NAALADL2: variants seen among roughly 807,000 people sequenced by gnomAD.
The protein encoded by NAALADL2 is N-acetylated alpha-linked acidic dipeptidase like 2.
NAALADL2 carries 76 observed loss-of-function variants against 87.2 expected under a neutral mutation model. That is an observed-to-expected ratio of 0.87 (90% CI 0.72 to 1.05). The LOEUF (loss-of-function observed/expected upper bound fraction) is 1.05. Among genes scored for constraint, NAALADL2 ranks in the 50% least tolerant of loss-of-function variants. The pLI is 0.00. For synonymous variants in NAALADL2, 354 were observed against 331.0 expected (o/e 1.07, Z -0.75); for missense variants, 1,089 against 945.8 (o/e 1.15, Z -1.99).
chr3:175,205,868 A>G (rs1740755279), intron 2 of NAALADL2, among the ~76,000 whole-genome samples: 1 of 152,098 alleles, frequency 6.6e-6, no homozygotes, highest in Admixed American at 6.6e-5. Flanking sequence ...ACTAATGATC[A>G]GGGAAATGCA....
chr3:175,718,851 AAAAC>A (rs112791160), intron 11 of NAALADL2, among the ~76,000 whole-genome samples: 30 of 152,208 alleles, frequency 2.0e-4, no homozygotes, highest in East Asian at 5.8e-4. Context: ...AAAAAGACAA[AAAAC>A]AAACAAACAA....
At position 174,509,400 on chromosome 3, in the gene NAALADL2, CTTTCT is replaced by C. The variant is rs200055521; in HGVS notation, c.-183-41165_-183-41161del. On this transcript the variant is annotated intron_variant, in intron 1 of 3. Transcript: ENST00000434257. Reference sequence around the variant, plus strand: ...AGCGAGCTCTGGTGTCTCTTCCTTTCTTTCTTTTTTTTTTTTTTTTGAGACGGAGT... The same window carrying C: ...AGCGAGCTCTGGTGTCTCTTCCTTTCTTTTTTTTTTTTTTTGAGACGGAGT... 6.8e-3 allele frequency among the ~76,000 whole-genome samples: 529 copies of C among 77,368 alleles called. 5 individuals carry two copies. The highest frequency in any genetic ancestry group is 0.018 in the African/African-American group (455 of 24,718). The allele number at this position is 77,368 out of a possible 152,430, so 50.8% of individuals were successfully genotyped here.
At chr3:175,663,146 TTTTTATTTTATTTTA>T (rs537931566) in intron 11 of NAALADL2, among the ~76,000 whole-genome samples, 4 of 151,324 alleles carry the variant, frequency 2.6e-5, no homozygotes, top group African/African-American at 9.7e-5. Context: ...TGGGCTTGCT[TTTTTATTTTATTTTA>T]TTTTATTTTA....
chr3:175,668,905 T>C (rs763413250), intron 11 of NAALADL2, among the ~76,000 whole-genome samples: 1 of 152,120 alleles, frequency 6.6e-6, no homozygotes, highest in Non-Finnish European at 1.5e-5. Flanking sequence ...TTAATAGCAG[T>C]TATTATTTAT....
At chr3:174,906,769 A>G (rs1053801299) in intron 1 of NAALADL2, among the ~76,000 whole-genome samples, 1 of 152,158 alleles carries the variant, frequency 6.6e-6, no homozygotes, top group Non-Finnish European at 1.5e-5. Context: ...CCAACAGAAA[A>G]TGTGAAATAA....
chr3:174,850,031 C>G (rs1371210440), intron 3 of NAALADL2, among the ~76,000 whole-genome samples: 2 of 152,130 alleles, frequency 1.3e-5, no homozygotes, highest in Non-Finnish European at 2.9e-5. Context: ...TGCTTGTTAA[C>G]ATACATTTCT....
chr3:175,347,723 C>A (rs1463267712), intron 5 of NAALADL2, among the ~76,000 whole-genome samples: 1 of 152,084 alleles, frequency 6.6e-6, no homozygotes, highest in African/African-American at 2.4e-5. Context: ...ATGACTTAGA[C>A]AATACCGATT....
chr3:175,080,211 C>A lies in NAALADL2; in HGVS notation c.44-16579C>A, dbSNP rs1297846071. Reference sequence around the variant, plus strand: ...CGATCTCCTGACCTCGTGATCCACGCACCTCGGCCTCCCAAATGCTGGGAT... The same window carrying A: ...CGATCTCCTGACCTCGTGATCCACGAACCTCGGCCTCCCAAATGCTGGGAT... On this transcript the variant is annotated intron_variant, in intron 1 of 13. Transcript: ENST00000454872. Among the ~76,000 whole-genome samples the A allele has an allele frequency of 2.6e-5, 4 of 152,282 alleles. No homozygotes were observed. The East Asian group carries it at 7.7e-4, about 29-fold the overall frequency.
chr3:174,918,559 C>T (rs745859368), intron 1 of NAALADL2, among the ~76,000 whole-genome samples: 10 of 152,058 alleles, frequency 6.6e-5, no homozygotes, highest in Non-Finnish European at 1.2e-4. Context: ...AAGGATCTGG[C>T]GGTTGATTGG....
chr3:175,662,382 T>C (rs1283646081), intron 11 of NAALADL2, among the ~76,000 whole-genome samples: 1 of 151,992 alleles, frequency 6.6e-6, no homozygotes, highest in Non-Finnish European at 1.5e-5. Context: ...TTCTCAGAAT[T>C]CTTAATGGAT....
At chr3:175,587,933 G>A (rs184608275) in intron 10 of NAALADL2, among the ~76,000 whole-genome samples, 2 of 152,144 alleles carry the variant, frequency 1.3e-5, no homozygotes, top group Admixed American at 1.3e-4. Flanking sequence ...ATACACCTGG[G>A]GAAGAGGACA....
At chr3:174,515,674 A>T (rs1419609533) in intron 1 of NAALADL2, among the ~76,000 whole-genome samples, 1 of 150,458 alleles carries the variant, frequency 6.6e-6, no homozygotes, top group Non-Finnish European at 1.5e-5. Flanking sequence ...TTGAAATCAG[A>T]GAACTGACAA....
rs749574830 is a variant in NAALADL2, at chr3:175,467,066, C to A, written c.1415C>A (p.Ala472Glu). The A allele has an allele frequency of 1.3e-5, 21 of 1,613,548 alleles. No individual in the cohort carries two copies. The highest frequency in any genetic ancestry group is 1.7e-5 in the Non-Finnish European group (20 of 1,179,710). ...EWASSTAIITAFIRALMSKVK... is the reference protein window; with the variant it reads ...EWASSTAIITEFIRALMSKVK... ...GCCAGTAGTACTGCAATAATCACAG[C>A]GTTTATCCGTGCCTTGATGTCAAAA... Residue 472 changes from alanine to glutamate, a missense_variant, in exon 8 of 14, where the codon GCG (alanine) becomes GAG (glutamate). Ala to Glu is a moderately radical substitution (Grantham distance 107, BLOSUM62 -1). Coordinates refer to ENST00000454872, the MANE Select transcript of NAALADL2 (RefSeq NM_207015.3).
chr3:175,674,478 A>G (rs954358578), intron 11 of NAALADL2, among the ~76,000 whole-genome samples: 5 of 151,862 alleles, frequency 3.3e-5, no homozygotes, highest in African/African-American at 1.2e-4. Context: ...GTTAGCCAGG[A>G]CGGTCTTGAT....
At chr3:174,932,740 A>G (rs373563689) in intron 1 of NAALADL2, among the ~76,000 whole-genome samples, 18 of 152,252 alleles carry the variant, frequency 1.2e-4, no homozygotes, top group African/African-American at 4.1e-4. Context: ...AATTCCCAAG[A>G]TTTAGTTTTG....
At chr3:174,454,993 A>G (rs936473153) in intron 1 of NAALADL2, among the ~76,000 whole-genome samples, 1 of 151,542 alleles carries the variant, frequency 6.6e-6, no homozygotes. Context: ...GCCCCTAGCT[A>G]TACTAATAAG....
At chr3:174,846,107 C>T (rs181939746) in intron 3 of NAALADL2, among the ~76,000 whole-genome samples, 97 of 152,286 alleles carry the variant, frequency 6.4e-4, no homozygotes, top group Admixed American at 1.4e-3. Flanking sequence ...AAATGTGCCA[C>T]TCACATCTGT....
At chr3:174,606,690 C>G (rs1719106345) in intron 2 of NAALADL2, among the ~76,000 whole-genome samples, 1 of 152,186 alleles carries the variant, frequency 6.6e-6, no homozygotes, top group African/African-American at 2.4e-5. Flanking sequence ...AAATCTACGT[C>G]TGATTGGTGT....
chr3:175,182,958 C>A (rs1193990327), intron 2 of NAALADL2, among the ~76,000 whole-genome samples: 1 of 151,832 alleles, frequency 6.6e-6, no homozygotes, highest in Non-Finnish European at 1.5e-5. Flanking sequence ...TGGAATATAG[C>A]TTGAAGTGAG....
Sources: allele counts gnomAD v4.1 joint callset (sites outside exome capture counted in the v4.1 genomes callset), GRCh38; gene constraint gnomAD v4.1.1; transcripts MANE v1.5; gene names NCBI Gene and HGNC (gene_info 2026-07-23, HGNC 2026-07-21).